The following VRK1 variants were observed in gnomAD, a reference collection of about 807,000 sequenced individuals.
VRK1 encodes VRK serine/threonine kinase 1.
VRK1 carries 33 observed loss-of-function variants against 57.1 expected under a neutral mutation model. That is an observed-to-expected ratio of 0.58 (90% CI 0.44 to 0.77). VRK1 has a LOEUF of 0.77. VRK1 is among the 30% of genes least tolerant of loss of function. The pLI is 0.00. For synonymous variants in VRK1, 137 were observed against 147.8 expected, an observed-to-expected ratio of 0.93 and a Z score of 0.53; for missense variants, 413 against 477.3, an observed-to-expected ratio of 0.87 and a Z score of 1.25.
chr14:96,812,703 A>AT (rs1332001583), intron 1 of VRK1, among the ~76,000 whole-genome samples: 1 of 152,118 alleles, frequency 6.6e-6, no homozygotes, highest in Non-Finnish European at 1.5e-5. Flanking sequence ...TTCGTTCTGT[A>AT]TTAAGCAGGA....
chr14:96,845,509 T>C (rs1887645800), intron 3 of VRK1, among the ~76,000 whole-genome samples: 1 of 152,150 alleles, frequency 6.6e-6, no homozygotes, highest in Non-Finnish European at 1.5e-5. Context: ...ATGAGCCCCA[T>C]GTTTGGTTTG....
At chr14:96,824,962 A>G (rs1337697170) in intron 1 of VRK1, among the ~76,000 whole-genome samples, 1 of 152,156 alleles carries the variant, frequency 6.6e-6, no homozygotes, top group Non-Finnish European at 1.5e-5. Flanking sequence ...CAAAAACATT[A>G]ATTTTTTAAA....
Position 96,816,420 on chromosome 14 carries a change from C to G in VRK1, c.-5-17047C>G, listed in dbSNP as rs191565565. Among the ~76,000 whole-genome samples, 12 of 152,240 alleles carry G rather than the reference C, an allele frequency of 7.9e-5. No individual in the cohort carries two copies. In the East Asian group the frequency reaches 2.3e-3, roughly 29 times the overall value. ...CCCTTAGGTAAGATTTATTGAGATA[C>G]GTAACCACAGAATTACCCTACTTCC... On this transcript the variant is annotated intron_variant, in intron 1 of 12. Coordinates refer to ENST00000216639, the MANE Select transcript of VRK1 (RefSeq NM_003384.3).
At chr14:96,817,381 T>C (rs1188651741) in intron 1 of VRK1, among the ~76,000 whole-genome samples, 1 of 152,166 alleles carries the variant, frequency 6.6e-6, no homozygotes, top group Admixed American at 6.5e-5. Flanking sequence ...TTTTTTAATC[T>C]GTGGAGAATT....
intron 1 of VRK1, among the ~76,000 whole-genome samples, chr14:96,817,458 ATCT>A (rs890990403): frequency 2.6e-5 from 4 of 151,830 alleles, no homozygotes; most frequent in African/African-American, 7.3e-5. Context: ...GTTTAGAAAA[ATCT>A]TCTTGTCTCT....
chr14:96,823,578 GC>G (rs1886685616), intron 1 of VRK1, among the ~76,000 whole-genome samples: 3 of 152,132 alleles, frequency 2.0e-5, no homozygotes, highest in South Asian at 4.1e-4. Context: ...CTTAATTTCT[GC>G]CTTTTTTATC....
At chr14:96,873,019 T>G (rs1187269148) in intron 11 of VRK1, among the ~76,000 whole-genome samples, 1 of 152,174 alleles carries the variant, frequency 6.6e-6, no homozygotes, top group East Asian at 1.9e-4. Context: ...AGGCTGTATA[T>G]TTTAAGTTTC....
chr14:96,868,913 A>G (rs994988217), intron 11 of VRK1, among the ~76,000 whole-genome samples: 13 of 150,818 alleles, frequency 8.6e-5, no homozygotes, highest in African/African-American at 3.2e-4. Flanking sequence ...CTCCAGCCTC[A>G]GCCTCCCAAG....
At chr14:96,874,911 G>A (rs917778578) in intron 11 of VRK1, among the ~76,000 whole-genome samples, 17 of 152,142 alleles carry the variant, frequency 1.1e-4, no homozygotes, top group Non-Finnish European at 1.5e-5. Flanking sequence ...ACACAAAATG[G>A]CCTGCAGCAA....
rs1478304296 is a variant in VRK1 at position 96,833,524 on chromosome 14, A to T, written c.53A>T (p.His18Leu). Residue 18 changes from histidine to leucine, a missense_variant, in exon 2 of 13, where the codon CAT becomes CTT. This residue lies in a region of VRK1 where 116 missense variants were observed against 113.6 expected (regional missense o/e 1.02). Coordinates refer to ENST00000216639, the MANE Select transcript of VRK1 (RefSeq NM_003384.3). ...GGAAGACAGAGCTCTGCAAAGAGAC[A>T]TCTTGCAGAACAATTTGCAGTTGGA... Reference protein sequence around the residue: ...QAGRQSSAKRHLAEQFAVGEI... With the variant: ...QAGRQSSAKRLLAEQFAVGEI... 1 of 1,613,838 alleles carries T rather than the reference A, an allele frequency of 6.2e-7. No individual in the cohort carries two copies. Among genetic ancestry groups the T allele is most frequent in the Non-Finnish European group, 8.5e-7 (1 of 1,179,792 alleles).
Position 96,807,778 on chromosome 14 carries a change from T to C in VRK1, c.-6+10331T>C, listed in dbSNP as rs537867179. Among the ~76,000 whole-genome samples, 33 of 152,324 alleles carry C rather than the reference T, an allele frequency of 2.2e-4. No homozygotes were observed. In the South Asian group the frequency reaches 4.1e-3, roughly 19 times the overall value. On this transcript the variant is annotated intron_variant, in intron 1 of 12. Transcript: ENST00000216639. ...CTTATGTTTGTCTTGTTAAATTTCT[T>C]TTTATTGAATTTAACTAACTGCAAC...
intron 11 of VRK1, among the ~76,000 whole-genome samples, chr14:96,865,376 G>C (rs1888545144): frequency 6.6e-6 from 1 of 152,058 alleles, no homozygotes; most frequent in Non-Finnish European, 1.5e-5. Context: ...ACCCTATTCT[G>C]TACCATTGGC....
chr14:96,851,435 C>T (rs1200843457), intron 5 of VRK1, among the ~76,000 whole-genome samples: 1 of 152,096 alleles, frequency 6.6e-6, no homozygotes, highest in Non-Finnish European at 1.5e-5. Context: ...ACTACCAGGC[C>T]CGGCCACCAC....
chr14:96,878,407 C>T (rs1889123659), intron 12 of VRK1, among the ~76,000 whole-genome samples: 1 of 152,154 alleles, frequency 6.6e-6, no homozygotes, highest in Admixed American at 6.5e-5. Flanking sequence ...TTACCTCTAA[C>T]AGCAGCTTTA....
At chr14:96,803,444 T>G (rs1595634474) in intron 1 of VRK1, among the ~76,000 whole-genome samples, 1 of 152,318 alleles carries the variant, frequency 6.6e-6, no homozygotes, top group East Asian at 1.9e-4. Context: ...GTGCTGGGAC[T>G]GCAGGGAGTG....
intron 1 of VRK1, among the ~76,000 whole-genome samples, chr14:96,797,773 C>T (rs1885495173): frequency 6.6e-6 from 1 of 152,238 alleles, no homozygotes; most frequent in South Asian, 2.1e-4. Context: ...AACGCCGCCT[C>T]GGGCCTCACC....
intron 11 of VRK1, among the ~76,000 whole-genome samples, chr14:96,862,870 A>G (rs1324906892): frequency 6.6e-6 from 1 of 152,140 alleles, no homozygotes; most frequent in African/African-American, 2.4e-5. Context: ...TGAAAGTGTG[A>G]AGTATATTTT....
intron 11 of VRK1, among the ~76,000 whole-genome samples, chr14:96,869,499 C>T (rs886811502): frequency 1.3e-5 from 2 of 151,900 alleles, no homozygotes; most frequent in African/African-American, 2.4e-5. Flanking sequence ...GAATAGTAAA[C>T]GATTATGAAT....
intron 10 of VRK1, 88 bp from the exon 11 acceptor site, chr14:96,860,469 C>T: frequency 1.5e-6 from 2 of 1,320,366 alleles, no homozygotes; most frequent in Non-Finnish European, 2.1e-6. Context: ...TATTTGCATT[C>T]TAACTTTACT....
Sources: gnomAD v4.1 joint callset for allele counts (sites outside exome capture counted in the v4.1 genomes callset) on GRCh38, gnomAD v4.1.1 for gene constraint, gnomAD v4.1.1 regional missense constraint, MANE v1.5 for transcripts, NCBI Gene and HGNC (gene_info 2026-07-23, HGNC 2026-07-21) for gene names.